Variants in ACSM3 observed in about 807,000 individuals in gnomAD.
ACSM3 encodes acyl-CoA synthetase medium chain family member 3.
ACSM3 carries 61 observed loss-of-function variants against 74.1 expected under a neutral mutation model. The ratio of observed to expected loss-of-function variants is 0.82; its 90% CI spans 0.67 to 1.02. The LOEUF (loss-of-function observed/expected upper bound fraction) is 1.02. ACSM3 is among the 50% of genes least tolerant of loss of function. ACSM3 has a pLI of 0.00. For synonymous variants in ACSM3, 213 were observed against 241.5 expected (o/e 0.88, Z 1.09); for missense variants, 660 against 697.0 (o/e 0.95, Z 0.60).
chr16:20,776,525 G>A (rs1248840495), intron 3 of ACSM3, among the ~76,000 whole-genome samples: 3 of 152,130 alleles, frequency 2.0e-5, no homozygotes, highest in Non-Finnish European at 4.4e-5. Flanking sequence ...AAGGGTGGTG[G>A]GGCCCAGGAG....
At chr16:20,769,201 A>C (rs535326937) in intron 1 of ACSM3, among the ~76,000 whole-genome samples, 16 of 152,222 alleles carry the variant, frequency 1.1e-4, no homozygotes, top group Non-Finnish European at 1.9e-4. Context: ...AGGAAGTATA[A>C]TGAGGAGAAT....
chr16:20,701,909 A>G (rs551269776), intron 1 of ACSM3, among the ~76,000 whole-genome samples: 6 of 152,292 alleles, frequency 3.9e-5, no homozygotes, highest in African/African-American at 1.4e-4. Flanking sequence ...TCCATGGTGT[A>G]TATGTGCCAC....
Position 20,781,708 on chromosome 16 carries a change from A to T in ACSM3, c.940A>T (p.Thr314Ser). The T allele has an allele frequency of 1.2e-6, 2 of 1,611,240 alleles. No homozygotes were observed. Among genetic ancestry groups the T allele is most frequent in the South Asian group, 1.1e-5 (1 of 91,016 alleles). The stretch of plus-strand genomic sequence containing the variant: ...AGAGTTTGCTTTTTCTAAATTGCAG[A>T]CACTCTCCAAGTACCCCATCACAGT... ...PRFEPTSILQ[T>S]LSKYPITVFC... Residue 314 changes from threonine to serine, a missense_variant and splice_region_variant, in exon 7 of 14, where the codon ACA (threonine) becomes TCA (serine). Coordinates refer to ENST00000289416, the MANE Select transcript of ACSM3 (RefSeq NM_005622.4).
At chr16:20,683,413 C>T (rs1218585934) in intron 1 of ACSM3, among the ~76,000 whole-genome samples, 1 of 152,044 alleles carries the variant, frequency 6.6e-6, no homozygotes, top group East Asian at 1.9e-4. Flanking sequence ...CAGCTGTGAG[C>T]CACCATGCCT....
chr16:20,715,757 C>T (rs1198041881), intron 1 of ACSM3, among the ~76,000 whole-genome samples: 1 of 152,166 alleles, frequency 6.6e-6, no homozygotes. Context: ...TTTCAAAAAT[C>T]CTTAGATATT....
intron 1 of ACSM3, among the ~76,000 whole-genome samples, chr16:20,739,406 G>A (rs764046496): frequency 1.3e-5 from 2 of 151,906 alleles, no homozygotes; most frequent in Non-Finnish European, 2.9e-5. Flanking sequence ...AAACTCCTCA[G>A]GTGATCCACT....
chr16:20,721,345 T>C (rs2079784569), intron 1 of ACSM3: 1 of 152,308 alleles, frequency 6.6e-6, no homozygotes, highest in Non-Finnish European at 1.5e-5. Flanking sequence ...ATTGTGACTA[T>C]TATAAATTCT....
At chr16:20,682,327 G>A in intron 1 of ACSM3, 1 of 1,614,036 alleles carries the variant, frequency 6.2e-7, no homozygotes. Context: ...TTTTCAGAGA[G>A]GGGCACTGAG....
chr16:20,737,561 A>G, intron 1 of ACSM3: 1 of 842,876 alleles, frequency 1.2e-6, no homozygotes, highest in East Asian at 2.9e-5. Flanking sequence ...TATTGAAATC[A>G]GTTGATTTAA....
intron 12 of ACSM3, 145 bp downstream of exon 12, chr16:20,792,480 C>T: frequency 6.7e-7 from 1 of 1,491,090 alleles, no homozygotes; most frequent in Non-Finnish European, 8.9e-7. Flanking sequence ...TCAGAAAGAA[C>T]TGCTACAAAA....
At chr16:20,770,442 A>G (rs1402692445) in intron 2 of ACSM3, among the ~76,000 whole-genome samples, 189 bp downstream of exon 2, 1 of 152,206 alleles carries the variant, frequency 6.6e-6, no homozygotes, top group African/African-American at 2.4e-5. Context: ...AGCCTCCAGA[A>G]CAAAGAATTA....
chr16:20,779,841 G>T, intron 4 of ACSM3: 2 of 188,588 alleles, frequency 1.1e-5, no homozygotes, highest in Non-Finnish European at 1.2e-5. Context: ...GCTCGATCTT[G>T]GCTCACTGCA....
intron 4 of ACSM3, chr16:20,780,297 G>A: frequency 3.7e-6 from 1 of 269,028 alleles, no homozygotes; most frequent in South Asian, 4.6e-5. Flanking sequence ...TTACTAACAT[G>A]TATTGTATTA....
intron 1 of ACSM3, among the ~76,000 whole-genome samples, chr16:20,691,823 A>C (rs2079656921): frequency 6.7e-6 from 1 of 150,128 alleles, no homozygotes; most frequent in Non-Finnish European, 1.5e-5. Context: ...ACAGATTTAA[A>C]TATATCAGGC....
chr16:20,790,610 T>A lies in ACSM3; in HGVS notation c.1248T>A (p.Val416=). The change falls in exon 10 of 14, where the codon GTT becomes GTA. Residue 416 remains valine (V), a synonymous_variant. Coordinates refer to ENST00000289416, the MANE Select transcript of ACSM3 (RefSeq NM_005622.4). This position sits in a 1 kb window ranked among gnomAD's most constrained non-coding sequence, Gnocchi z 4.0. The part of the protein sequence containing the change: ...DVKIVDVNGN[V]LPPGQEGDIG... The stretch of plus-strand genomic sequence containing the variant: ...AGATTGTAGATGTAAATGGCAATGT[T>A]CTACCTCCTGGACAAGAAGGAGATA... 1 of 1,614,152 alleles carries A rather than the reference T, an allele frequency of 6.2e-7. No individual in the cohort carries two copies. Among genetic ancestry groups the A allele is most frequent in the South Asian group, 1.1e-5 (1 of 91,084 alleles).
At chr16:20,749,295 C>T (rs549170355) in intron 1 of ACSM3, 1 of 152,166 alleles carries the variant, frequency 6.6e-6, no homozygotes, top group East Asian at 1.9e-4. Context: ...GACACTAAAC[C>T]TCTGATTTTT....
intron 1 of ACSM3, chr16:20,737,778 T>C (rs1284171752): frequency 1.9e-6 from 3 of 1,613,854 alleles, no homozygotes; most frequent in South Asian, 2.2e-5. Flanking sequence ...CAATCTGAAA[T>C]GTCCCTTTGT....
intron 1 of ACSM3, among the ~76,000 whole-genome samples, chr16:20,767,963 C>T (rs765088824): frequency 6.6e-6 from 1 of 152,296 alleles, no homozygotes. Context: ...TAGAACACAG[C>T]CATGCCAAAA....
At chr16:20,687,735 AAAAC>A (rs1175386301) in intron 1 of ACSM3, among the ~76,000 whole-genome samples, 1 of 152,172 alleles carries the variant, frequency 6.6e-6, no homozygotes, top group African/African-American at 2.4e-5. Context: ...GGAAATTAGA[AAAAC>A]TATATATGAA....
Sources: gnomAD v4.1 joint callset for allele counts (sites outside exome capture counted in the v4.1 genomes callset) on GRCh38, gnomAD v4.1.1 for gene constraint, Gnocchi (gnomAD v3.1) non-coding constraint, MANE v1.5 for transcripts, NCBI Gene and HGNC (gene_info 2026-07-23, HGNC 2026-07-21) for gene names.